Variants in DLG2 observed in about 807,000 individuals in gnomAD.
DLG2 encodes discs large MAGUK scaffold protein 2, also known as disks large homolog 2.
Under a neutral mutation model 132.5 loss-of-function variants are expected in DLG2, and 45 were observed. The ratio of observed to expected loss-of-function variants is 0.34; its 90% CI spans 0.27 to 0.44. The LOEUF (loss-of-function observed/expected upper bound fraction) is 0.44. Among genes scored for constraint, DLG2 ranks in the 20% least tolerant of loss-of-function variants. The probability of loss-of-function intolerance (pLI) is 1.00; values close to 1 mark genes in which losing one functional copy is unlikely to be tolerated. For synonymous variants in DLG2, 424 were observed against 419.6 expected (o/e 1.01, Z -0.13); for missense variants, 1,045 against 1,196.9 (o/e 0.87, Z 1.87).
chr11:85,226,248 G>GTGGGTGGATGGA (rs1460155945), intron 4 of DLG2, among the ~76,000 whole-genome samples: 1 of 150,052 alleles, frequency 6.7e-6, no homozygotes, highest in African/African-American at 2.4e-5. Context: ...AGACATGTGG[G>GTGGGTGGATGGA]TGGATGGATG....
intron 3 of DLG2, among the ~76,000 whole-genome samples, chr11:85,577,904 T>A (rs896458524): frequency 6.6e-6 from 1 of 152,142 alleles, no homozygotes; most frequent in African/African-American, 2.4e-5. Flanking sequence ...AAAATTCATA[T>A]GGAACCAATA....
chr11:83,999,899 GAGA>G (rs749140295), intron 11 of DLG2, among the ~76,000 whole-genome samples: 2 of 151,590 alleles, frequency 1.3e-5, no homozygotes, highest in Middle Eastern at 3.4e-3. Context: ...TTAAAAAAAT[GAGA>G]AGAAGTGACT....
intron 7 of DLG2, among the ~76,000 whole-genome samples, chr11:84,317,573 G>T (rs1011497457): frequency 3.1e-4 from 47 of 152,294 alleles, no homozygotes; most frequent in Admixed American, 2.8e-3. Context: ...TTAAGAAAGA[G>T]AACTTATTAT....
intron 19 of DLG2, among the ~76,000 whole-genome samples, chr11:83,587,481 G>T (rs550080782): frequency 7.9e-5 from 12 of 152,222 alleles, no homozygotes; most frequent in African/African-American, 2.6e-4. Flanking sequence ...ATGTTGCCCA[G>T]GCAGATCTCG....
At chr11:83,752,286 AGAG>A (rs1386323229) in intron 18 of DLG2, among the ~76,000 whole-genome samples, 1 of 151,664 alleles carries the variant, frequency 6.6e-6, no homozygotes, top group Non-Finnish European at 1.5e-5. Flanking sequence ...AAAAAAAAAA[AGAG>A]GAATAAGCCA....
At chr11:84,512,846 A>G (rs941304586) in intron 7 of DLG2, among the ~76,000 whole-genome samples, 1 of 152,180 alleles carries the variant, frequency 6.6e-6, no homozygotes, top group African/African-American at 2.4e-5. Flanking sequence ...AGGGACATGG[A>G]TAAAGCTGGA....
intron 3 of DLG2, among the ~76,000 whole-genome samples, chr11:85,498,616 A>G (rs781303458): frequency 2.0e-4 from 31 of 152,180 alleles, no homozygotes; most frequent in Non-Finnish European, 2.9e-5. Context: ...CCCCAAATCA[A>G]CAGAATATAC....
chr11:83,544,057 T>C (rs922255482), intron 19 of DLG2, among the ~76,000 whole-genome samples: 2 of 152,184 alleles, frequency 1.3e-5, no homozygotes, highest in African/African-American at 4.8e-5. Context: ...AACCTGGACA[T>C]TGAGTCTCTA....
chr11:84,332,633 C>A (rs1017075542), intron 7 of DLG2, among the ~76,000 whole-genome samples: 2 of 151,746 alleles, frequency 1.3e-5, no homozygotes, highest in Non-Finnish European at 2.9e-5. Context: ...CGTGAGCCAC[C>A]GCGCCTGGCC....
chr11:84,302,287 G>A (rs748561132), intron 7 of DLG2, among the ~76,000 whole-genome samples: 5 of 152,176 alleles, frequency 3.3e-5, no homozygotes, highest in East Asian at 1.9e-4. Flanking sequence ...CATGGCACGC[G>A]TATACCTATG....
rs558524024 is a variant in DLG2 at position 84,570,335 on chromosome 11, C to T, written c.358-35604G>A. Among the ~76,000 whole-genome samples the T allele has an allele frequency of 2.6e-5, 4 of 152,278 alleles. No homozygotes were observed. The South Asian group carries it at 6.2e-4, about 24-fold the overall frequency. ...ATCTCCTACAGGAAGGTCCTCCTGT[C>T]TTCCTTTCACAGGTTAGGTATCTCA... On this transcript the variant is annotated intron_variant, in intron 6 of 27. Transcript: ENST00000376104.
chr11:84,239,802 G>A (rs1052086062), intron 8 of DLG2, among the ~76,000 whole-genome samples: 1 of 152,162 alleles, frequency 6.6e-6, no homozygotes, highest in African/African-American at 2.4e-5. Context: ...ATAAAATGTT[G>A]AAATTAGAAA....
intron 19 of DLG2, among the ~76,000 whole-genome samples, chr11:83,578,805 A>T (rs78614817): frequency 6.6e-6 from 1 of 152,196 alleles, no homozygotes; most frequent in Admixed American, 6.5e-5. Flanking sequence ...ACCCATCAAC[A>T]ATATATTCTT....
At chr11:83,487,172 G>C (rs1205041430) in intron 21 of DLG2, among the ~76,000 whole-genome samples, 6 of 151,958 alleles carry the variant, frequency 3.9e-5, no homozygotes, top group Non-Finnish European at 1.5e-5. Context: ...CTTAGCTCTA[G>C]ATCCATTGCT....
intron 3 of DLG2, among the ~76,000 whole-genome samples, chr11:85,351,691 G>A (rs1325572194): frequency 6.6e-6 from 1 of 152,164 alleles, no homozygotes; most frequent in Admixed American, 6.6e-5. Flanking sequence ...TGTTGGTTCT[G>A]TTTACGTGAT....
Position 84,317,272 on chromosome 11 carries a change from G to A in DLG2, c.520-65981C>T, listed in dbSNP as rs2098370199. On this transcript the variant is annotated intron_variant, in intron 7 of 27. Coordinates refer to ENST00000376104, the MANE Select transcript of DLG2 (RefSeq NM_001142699.3). ...CGTGGATTCCTCAGTATCTTTGACA[G>A]CTGCTATAAGCAGTGCATCGTGGGA... 8.8e-6 allele frequency: 13 copies of A among 1,478,008 alleles called. No homozygotes were observed. The South Asian group carries it at 1.7e-4, about 19-fold the overall frequency. The allele number at this position is 1,478,008 out of a possible 1,614,324, so 91.6% of individuals were successfully genotyped here. A position where few individuals can be genotyped will look rare whatever the true frequency, so the allele number is the denominator to read the frequency against.
intron 6 of DLG2, among the ~76,000 whole-genome samples, chr11:84,807,512 T>G (rs2153967738): frequency 6.6e-6 from 1 of 152,212 alleles, no homozygotes; most frequent in South Asian, 2.1e-4. Flanking sequence ...AACATATTAA[T>G]AATTACCTTA....
At chr11:83,731,382 G>A (rs1289965742) in intron 18 of DLG2, among the ~76,000 whole-genome samples, 2 of 152,282 alleles carry the variant, frequency 1.3e-5, no homozygotes, top group South Asian at 2.1e-4. Context: ...GTGAGAACAC[G>A]TAGTGTTTAA....
intron 7 of DLG2, among the ~76,000 whole-genome samples, chr11:84,363,162 C>T (rs1320601697): frequency 1.3e-5 from 2 of 151,802 alleles, no homozygotes; most frequent in African/African-American, 4.8e-5. Flanking sequence ...CACATCCTCT[C>T]CAGCACCTGT....
Sources: allele counts gnomAD v4.1 joint callset (sites outside exome capture counted in the v4.1 genomes callset), GRCh38; gene constraint gnomAD v4.1.1; transcripts MANE v1.5; gene names NCBI Gene and HGNC (gene_info 2026-07-23, HGNC 2026-07-21).